Variants in TBC1D22A observed in about 807,000 individuals in gnomAD.
TBC1D22A encodes putative GTPase activator.
A neutral mutation model predicts 60.2 loss-of-function variants in TBC1D22A; 38 were observed. That is an observed-to-expected ratio of 0.63 (90% CI 0.49 to 0.83). The LOEUF (loss-of-function observed/expected upper bound fraction) is 0.83. Ranked by LOEUF, TBC1D22A falls within the 40% of genes least tolerant of loss-of-function variation. The pLI is 0.00. For synonymous variants in TBC1D22A, 302 were observed against 281.7 expected (o/e 1.07, Z -0.72); for missense variants, 628 against 701.0 (o/e 0.90, Z 1.18).
At chr22:47,137,327 A>C (rs906780564) in intron 12 of TBC1D22A, among the ~76,000 whole-genome samples, 5 of 152,194 alleles carry the variant, frequency 3.3e-5, no homozygotes. Flanking sequence ...TCTGATTCTC[A>C]CTGAGGCTGG....
At chr22:46,808,788 G>A (rs1039491676) in intron 4 of TBC1D22A, among the ~76,000 whole-genome samples, 5 of 152,294 alleles carry the variant, frequency 3.3e-5, no homozygotes, top group Non-Finnish European at 5.9e-5. Context: ...TAGAGACGGG[G>A]TTTCACCGTG....
chr22:46,838,426 C>T lies in TBC1D22A; in HGVS notation c.638-40227C>T, dbSNP rs1454440420. The stretch of plus-strand genomic sequence containing the variant: ...GATTGAATCAGTAATCGGATACATC[C>T]CAACGAGGAAAAGCTCAGGACCAGA... On this transcript the variant is annotated intron_variant, in intron 4 of 12. Transcript: ENST00000337137. 2.0e-5 allele frequency among the ~76,000 whole-genome samples: 3 copies of T among 152,164 alleles called. No individual in the cohort carries two copies. In the East Asian group the frequency reaches 5.8e-4, roughly 29 times the overall value.
chr22:46,894,754 C>T, intron 6 of TBC1D22A, 30 bp from the exon 7 acceptor site: 2 of 1,613,468 alleles, frequency 1.2e-6, no homozygotes, highest in Non-Finnish European at 1.7e-6. Context: ...TGTGACGTAA[C>T]ATAAATGTCC....
At chr22:46,817,865 T>C (rs910363955) in intron 4 of TBC1D22A, among the ~76,000 whole-genome samples, 8 of 152,190 alleles carry the variant, frequency 5.3e-5, no homozygotes, top group Admixed American at 4.6e-4. Flanking sequence ...CTAATTTACA[T>C]TCCCACCAGC....
chr22:46,766,305 A>G (rs2083285962), intron 1 of TBC1D22A, among the ~76,000 whole-genome samples: 2 of 150,274 alleles, frequency 1.3e-5, no homozygotes, highest in Admixed American at 1.3e-4. Context: ...CAATTTTTGT[A>G]TTTTTAGTAG....
chr22:46,976,153 A>G (rs982347119), intron 9 of TBC1D22A, among the ~76,000 whole-genome samples: 3 of 152,248 alleles, frequency 2.0e-5, no homozygotes, highest in Non-Finnish European at 4.4e-5. Context: ...ATTTAAATAC[A>G]AGATTATCTG....
intron 8 of TBC1D22A, among the ~76,000 whole-genome samples, chr22:46,943,742 C>G (rs1386664405): frequency 6.6e-6 from 1 of 152,220 alleles, no homozygotes; most frequent in Non-Finnish European, 1.5e-5. Flanking sequence ...GACCACTGAT[C>G]TGCTTTTCGT....
At position 47,100,596 on chromosome 22, in the gene TBC1D22A, G is replaced by T. The variant is rs1159121114; in HGVS notation, c.1330-10912G>T. Among the ~76,000 whole-genome samples, 3 of 152,192 alleles carry T rather than the reference G, an allele frequency of 2.0e-5. No individual in the cohort carries two copies. In the East Asian group the frequency reaches 5.8e-4, roughly 29 times the overall value. Reference sequence around the variant, plus strand: ...TGAATAAGTCTCCTGAGATCCGATGGTTTTAAAAAGAGGTGCTCCTCTGCA... The same window carrying T: ...TGAATAAGTCTCCTGAGATCCGATGTTTTTAAAAAGAGGTGCTCCTCTGCA... On this transcript the variant is annotated intron_variant, in intron 11 of 12. Transcript: ENST00000337137.
At chr22:46,999,156 C>T (rs2148241092) in intron 10 of TBC1D22A, among the ~76,000 whole-genome samples, 1 of 152,322 alleles carries the variant, frequency 6.6e-6, no homozygotes. Flanking sequence ...TCCGGTGCTG[C>T]AGTTTGGGAA....
intron 8 of TBC1D22A, among the ~76,000 whole-genome samples, chr22:46,927,777 TC>T (rs1192698816): frequency 6.6e-6 from 1 of 152,224 alleles, no homozygotes; most frequent in East Asian, 1.9e-4. Flanking sequence ...GGTTACATTT[TC>T]ATGCACTTGC....
chr22:46,774,321 G>A (rs1244532518), intron 1 of TBC1D22A: 1 of 933,036 alleles, frequency 1.1e-6, no homozygotes, highest in East Asian at 1.2e-4. Context: ...GAACAGGGCT[G>A]CCTGGGCTCT....
At position 47,013,353 on chromosome 22, in the gene TBC1D22A, C is replaced by T. The variant is rs370129172; in HGVS notation, c.1201+15644C>T. Among the ~76,000 whole-genome samples, 9 of 152,156 alleles carry T rather than the reference C, an allele frequency of 5.9e-5. 1 individual carries two copies. The South Asian group carries it at 1.0e-3, about 18-fold the overall frequency. On this transcript the variant is annotated intron_variant, in intron 10 of 12. Transcript: ENST00000337137. ...ATGATATCTTTGTGACTCTCCACAC[C>T]GAGACTGATGTTTGGGGTTTATTGC...
intron 1 of TBC1D22A, among the ~76,000 whole-genome samples, chr22:46,779,303 T>C (rs1231719761): frequency 6.6e-6 from 1 of 152,228 alleles, no homozygotes; most frequent in Non-Finnish European, 1.5e-5. Context: ...TACAGGACCA[T>C]GGTCCTATAT....
At chr22:47,003,918 C>A (rs1347482891) in intron 10 of TBC1D22A, among the ~76,000 whole-genome samples, 1 of 149,196 alleles carries the variant, frequency 6.7e-6, no homozygotes, top group African/African-American at 2.5e-5. Flanking sequence ...TATACACACA[C>A]CCTACGCACG....
intron 8 of TBC1D22A, among the ~76,000 whole-genome samples, chr22:46,961,393 C>G (rs1433966933): frequency 2.6e-5 from 4 of 152,190 alleles, no homozygotes; most frequent in African/African-American, 9.7e-5. Context: ...GACACCAGCA[C>G]CTTAGCTCAT....
chr22:46,826,686 C>T (rs936949268), intron 4 of TBC1D22A, among the ~76,000 whole-genome samples: 3 of 152,126 alleles, frequency 2.0e-5, no homozygotes, highest in African/African-American at 7.2e-5. Flanking sequence ...CGGAGACTGT[C>T]CCGGAGCTTG....
intron 8 of TBC1D22A, among the ~76,000 whole-genome samples, chr22:46,936,354 C>T (rs965673865): frequency 1.3e-5 from 2 of 152,304 alleles, no homozygotes; most frequent in Admixed American, 1.3e-4. Flanking sequence ...GGCCAGGCTC[C>T]TCGTGGTTCT....
intron 1 of TBC1D22A, among the ~76,000 whole-genome samples, chr22:46,779,021 A>G (rs2083823876): frequency 6.6e-6 from 1 of 152,206 alleles, no homozygotes; most frequent in Admixed American, 6.5e-5. Flanking sequence ...TCCAGCCTGA[A>G]TGACAAGAGC....
intron 11 of TBC1D22A, among the ~76,000 whole-genome samples, chr22:47,073,249 A>G (rs2064075500): frequency 1.3e-5 from 2 of 152,234 alleles, no homozygotes; most frequent in Non-Finnish European, 2.9e-5. Context: ...AACCATATCC[A>G]CGTAATGTTG....
Sources: allele counts gnomAD v4.1 joint callset (sites outside exome capture counted in the v4.1 genomes callset), GRCh38; gene constraint gnomAD v4.1.1; transcripts MANE v1.5; gene names NCBI Gene and HGNC (gene_info 2026-07-23, HGNC 2026-07-21).